Variants in CUX1 observed in about 807,000 individuals in gnomAD.
CUX1 encodes the protein cut like homeobox 1, also known as protein CASP.
A neutral mutation model predicts 158.8 loss-of-function variants in CUX1; 31 were observed. The ratio of observed to expected loss-of-function variants is 0.20; its 90% CI spans 0.15 to 0.26. The LOEUF is 0.26. Among genes scored for constraint, CUX1 ranks in the 10% least tolerant of loss-of-function variants. The probability of loss-of-function intolerance (pLI) is 1.00; values close to 1 mark genes in which losing one functional copy is unlikely to be tolerated. For synonymous variants in CUX1, 879 were observed against 862.1 expected (o/e 1.02, Z -0.34); for missense variants, 1,589 against 2,014.6 (o/e 0.79, Z 4.04).
rs1408862847 is a variant in CUX1, at chr7:102,252,195, GA to G, written c.*3154del. The G allele has an allele frequency of 1.0e-6, 1 of 985,236 alleles. No homozygotes were observed. Among genetic ancestry groups the G allele is most frequent in the Non-Finnish European group, 1.2e-6 (1 of 829,940 alleles). The allele number at this position is 985,236 out of a possible 1,614,324, so 61.0% of individuals were successfully genotyped here. Reference sequence around the variant, plus strand: ...CTAGCACTGTCTGTAATACTTCTAAGAGCTGCCACTAAAATAATACAGCAAT... The same window carrying G: ...CTAGCACTGTCTGTAATACTTCTAAGGCTGCCACTAAAATAATACAGCAAT... On this transcript the variant is annotated 3_prime_UTR_variant, in exon 24 of 24. Coordinates refer to ENST00000292535, the MANE Select transcript of CUX1 (RefSeq NM_181552.4).
intron 3 of CUX1, among the ~76,000 whole-genome samples, chr7:102,060,333 C>T (rs1824653243): frequency 1.3e-5 from 2 of 151,632 alleles, no homozygotes; most frequent in Non-Finnish European, 2.9e-5. Flanking sequence ...CACATCTTGG[C>T]TTCCTGCTTG....
At chr7:102,267,770 G>C (rs1185382068) in intron 14 of CUX1, among the ~76,000 whole-genome samples, 1 of 152,108 alleles carries the variant, frequency 6.6e-6, no homozygotes, top group South Asian at 2.1e-4. Context: ...GGACTCAAGC[G>C]ATCCTCCCGC....
chr7:101,833,865 C>T (rs1187090603), intron 1 of CUX1, among the ~76,000 whole-genome samples: 1 of 152,016 alleles, frequency 6.6e-6, no homozygotes, highest in Non-Finnish European at 1.5e-5. Flanking sequence ...CTGCAATTTT[C>T]CCCCCCAAAT....
chr7:102,195,480 G>A (rs782025519), intron 13 of CUX1, 27 bp from the exon 14 acceptor site: 3 of 1,593,362 alleles, frequency 1.9e-6, no homozygotes, highest in Admixed American at 3.4e-5. Context: ...CGGCCCCGCA[G>A]TGAGACCCCC....
chr7:102,178,733 C>G, intron 11 of CUX1, 76 bp downstream of exon 11: 1 of 1,440,556 alleles, frequency 6.9e-7, no homozygotes. Context: ...CACACACACC[C>G]TCTGCCTTTC....
chr7:101,909,898 C>G (rs1317724077), intron 1 of CUX1, among the ~76,000 whole-genome samples: 1 of 152,176 alleles, frequency 6.6e-6, no homozygotes, highest in African/African-American at 2.4e-5. Flanking sequence ...CCCATACCCC[C>G]ACTTTAAAAC....
chr7:102,055,648 T>C (rs1758148194), intron 3 of CUX1, among the ~76,000 whole-genome samples: 1 of 152,254 alleles, frequency 6.6e-6, no homozygotes, highest in Admixed American at 6.5e-5. Flanking sequence ...TGGGTTTCCC[T>C]ATTTCTTGAG....
intron 8 of CUX1, among the ~76,000 whole-genome samples, chr7:102,158,351 C>T (rs1250647091): frequency 1.3e-5 from 2 of 152,134 alleles, no homozygotes; most frequent in South Asian, 2.1e-4. Flanking sequence ...GCACCCCATA[C>T]GCACCAGACA....
chr7:102,030,292 G>C lies in CUX1; in HGVS notation c.189+2147G>C, dbSNP rs1417568327. On this transcript the variant is annotated intron_variant, in intron 3 of 23. Transcript: ENST00000292535. Reference sequence around the variant, plus strand: ...CTCCCAAAGTGCTGGGATTACAGGCGTGAGCCACTGCGCCCGGCCCACCTA... The same window carrying C: ...CTCCCAAAGTGCTGGGATTACAGGCCTGAGCCACTGCGCCCGGCCCACCTA... 2.0e-5 allele frequency among the ~76,000 whole-genome samples: 3 copies of C among 152,034 alleles called. No individual in the cohort carries two copies. The South Asian group carries it at 6.2e-4, about 32-fold the overall frequency.
chr7:101,984,669 C>T (rs1048302327), intron 2 of CUX1, among the ~76,000 whole-genome samples: 1 of 152,044 alleles, frequency 6.6e-6, no homozygotes, highest in Non-Finnish European at 1.5e-5. Flanking sequence ...CGGGAGGGAA[C>T]ATCAGCCTGG....
At chr7:101,868,865 G>A (rs940574745) in intron 1 of CUX1, among the ~76,000 whole-genome samples, 1 of 152,174 alleles carries the variant, frequency 6.6e-6, no homozygotes, top group Non-Finnish European at 1.5e-5. Context: ...GGACAGAACG[G>A]GAGCAAGAGG....
At chr7:102,227,744 T>G in intron 21 of CUX1, 75 bp downstream of exon 21, 10 of 1,452,530 alleles carry the variant, frequency 6.9e-6, no homozygotes, top group Non-Finnish European at 8.5e-6. Context: ...GGGCGGGCCC[T>G]AGGCCAAGCC....
At chr7:102,197,448 T>G in intron 15 of CUX1, 143 bp downstream of exon 15, 1 of 1,036,562 alleles carries the variant, frequency 9.6e-7, no homozygotes, top group South Asian at 1.6e-5. Context: ...TTCTGCCACG[T>G]CCAGAGCTCA....
At chr7:101,968,416 A>G (rs1035319865) in intron 2 of CUX1, among the ~76,000 whole-genome samples, 21 of 151,942 alleles carry the variant, frequency 1.4e-4, no homozygotes, top group Admixed American at 1.3e-4. Context: ...TAGGGGCATC[A>G]GAAGAGTCTA....
intron 11 of CUX1, among the ~76,000 whole-genome samples, chr7:102,187,809 C>A (rs1016408042): frequency 2.6e-5 from 4 of 152,188 alleles, no homozygotes; most frequent in Non-Finnish European, 5.9e-5. Flanking sequence ...GCGCCCAGCC[C>A]TGAATTTTTA....
At chr7:102,214,978 C>T (rs1586255969) in intron 20 of CUX1, among the ~76,000 whole-genome samples, 2 of 152,134 alleles carry the variant, frequency 1.3e-5, no homozygotes, top group Admixed American at 1.3e-4. Flanking sequence ...TGCAATTAGG[C>T]GGTAGTTGGA....
chr7:102,277,365 A>G lies in CUX1; in HGVS notation c.1564-584A>G, dbSNP rs1337338444. ...AATCCCAACACTTTGGGAGGCAGAG[A>G]TGGGTGGATCACCTGAGATCAGGAG... On this transcript the variant is annotated intron_variant, in intron 17 of 22. Coordinates refer to the CUX1 transcript ENST00000292538. 2.6e-5 allele frequency among the ~76,000 whole-genome samples: 4 copies of G among 151,930 alleles called. No homozygotes were observed. The East Asian group carries it at 7.8e-4, about 29-fold the overall frequency.
At chr7:101,984,075 C>G (rs1364715330) in intron 2 of CUX1, among the ~76,000 whole-genome samples, 4 of 15,540 alleles carry the variant, frequency 2.6e-4, no homozygotes, top group East Asian at 2.2e-3. Context: ...TCTGTCCCCC[C>G]CCAAAAAAAA....
chr7:101,862,233 A>G (rs148430635), intron 1 of CUX1, among the ~76,000 whole-genome samples: 2 of 151,636 alleles, frequency 1.3e-5, no homozygotes, highest in East Asian at 2.0e-4. Context: ...AGAAACATCT[A>G]TGGAGCATCT....
Sources: allele counts gnomAD v4.1 joint callset (sites outside exome capture counted in the v4.1 genomes callset), GRCh38; gene constraint gnomAD v4.1.1; transcripts MANE v1.5; gene names NCBI Gene and HGNC (gene_info 2026-07-23, HGNC 2026-07-21).